BCAS3: variants seen among roughly 807,000 people sequenced by gnomAD.
BCAS3 encodes BCAS4/BCAS3 fusion.
A neutral mutation model predicts 116.1 loss-of-function variants in BCAS3; 53 were observed. That is an observed-to-expected ratio of 0.46 (90% CI 0.37 to 0.57). BCAS3 has a LOEUF of 0.57. BCAS3 is among the 20% of genes least tolerant of loss of function. BCAS3 has a pLI of 0.00. For synonymous variants in BCAS3, 391 were observed against 408.2 expected (o/e 0.96, Z 0.51); for missense variants, 917 against 1,165.4 (o/e 0.79, Z 3.10).
intron 6 of BCAS3, among the ~76,000 whole-genome samples, chr17:60,761,481 T>C (rs914084189): frequency 5.3e-5 from 8 of 152,102 alleles, no homozygotes; most frequent in African/African-American, 1.9e-4. Flanking sequence ...CTTGCAATAG[T>C]TTGCTCAGAA....
intron 22 of BCAS3, among the ~76,000 whole-genome samples, chr17:61,142,084 CTT>C (rs2076955052): frequency 1.3e-5 from 2 of 151,206 alleles, no homozygotes; most frequent in Non-Finnish European, 1.5e-5. Flanking sequence ...GTAAGATTCT[CTT>C]GTTTTATTTT....
chr17:61,209,326 G>T (rs2081325955), intron 22 of BCAS3, among the ~76,000 whole-genome samples: 1 of 152,084 alleles, frequency 6.6e-6, no homozygotes, highest in Non-Finnish European at 1.5e-5. Flanking sequence ...GCTGAAAATC[G>T]TGATTGTCTT....
At chr17:61,322,010 C>T (rs113807401) in intron 22 of BCAS3, among the ~76,000 whole-genome samples, 33,399 of 151,858 alleles carry the variant, frequency 0.22, 4,494 homozygotes, top group African/African-American at 0.37. Flanking sequence ...CTCAGCTCAC[C>T]GCAACTTCCG....
intron 5 of BCAS3, among the ~76,000 whole-genome samples, chr17:60,733,959 C>T (rs1029973462): frequency 3.3e-5 from 5 of 152,114 alleles, no homozygotes; most frequent in Non-Finnish European, 7.4e-5. Context: ...GTTTATGGCT[C>T]GGCTTATGCT....
At position 61,211,015 on chromosome 17, in the gene BCAS3, TAAGCTAGGGTCCCATAGTCTTCCCC is replaced by T. The variant is rs949010390; in HGVS notation, c.2425+126466_2425+126490del. ...AGAGATGATGAGCCAAAGGCTTCCC[TAAGCTAGGGTCCCATAGTCTTCCCC>T]AAGCTAGGGTCCCAGCGCTGGGTGG... On this transcript the variant is annotated intron_variant, in intron 22 of 23. Coordinates refer to ENST00000407086, the MANE Select transcript of BCAS3 (RefSeq NM_017679.5). The surrounding 1 kb of genome is among the most constrained non-coding windows in gnomAD (Gnocchi z 4.4). Among the ~76,000 whole-genome samples, 19 of 152,126 alleles carry T rather than the reference TAAGCTAGGGTCCCATAGTCTTCCCC, an allele frequency of 1.2e-4. No individual in the cohort carries two copies. The South Asian group carries it at 1.7e-3, about 13-fold the overall frequency.
intron 7 of BCAS3, among the ~76,000 whole-genome samples, chr17:60,820,795 A>ACTTT (rs2049895501): frequency 6.6e-6 from 1 of 152,178 alleles, no homozygotes; most frequent in Non-Finnish European, 1.5e-5. Context: ...CTCTTTAAGC[A>ACTTT]CTTTCAAACC....
At chr17:60,992,639 A>G (rs1217452289) in intron 15 of BCAS3, among the ~76,000 whole-genome samples, 2 of 152,228 alleles carry the variant, frequency 1.3e-5, no homozygotes, top group Admixed American at 6.5e-5. Flanking sequence ...CAGTTTACCC[A>G]TGTAACAAAC....
At chr17:61,127,588 A>G (rs1447567019) in intron 22 of BCAS3, among the ~76,000 whole-genome samples, 1 of 151,220 alleles carries the variant, frequency 6.6e-6, no homozygotes, top group Non-Finnish European at 1.5e-5. Context: ...TAGACAGTAC[A>G]AGGTTTAGAA....
chr17:61,254,786 A>AAAAAAAAAAAAAC (rs1166994302), intron 22 of BCAS3, among the ~76,000 whole-genome samples: 2 of 150,796 alleles, frequency 1.3e-5, no homozygotes, highest in Non-Finnish European at 3.0e-5. Context: ...AGAAAAAAAA[A>AAAAAAAAAAAAAC]AAAGGATTAG....
chr17:60,976,803 G>C, intron 14 of BCAS3, among the ~76,000 whole-genome samples: 1 of 152,192 alleles, frequency 6.6e-6, no homozygotes, highest in East Asian at 1.9e-4. Context: ...ATTTTTCTTA[G>C]TACACAACAC....
rs980996384 is a variant in BCAS3 at position 61,281,528 on chromosome 17, C to T, written c.2426-86799C>T. On this transcript the variant is annotated intron_variant, in intron 22 of 23. Transcript: ENST00000407086. The surrounding 1 kb of genome is among the most constrained non-coding windows in gnomAD (Gnocchi z 4.2). The stretch of plus-strand genomic sequence containing the variant: ...ATCAGATTTTTTGGTCTCTGCAAAT[C>T]AGATTCAATGTGTCATTTTATTGTA... Among the ~76,000 whole-genome samples, 2 of 152,166 alleles carry T rather than the reference C, an allele frequency of 1.3e-5. No homozygotes were observed. The highest frequency in any genetic ancestry group is 2.9e-5 in the Non-Finnish European group (2 of 68,018).
At chr17:61,306,111 A>G (rs2053836830) in intron 22 of BCAS3, among the ~76,000 whole-genome samples, 1 of 152,240 alleles carries the variant, frequency 6.6e-6, no homozygotes, top group African/African-American at 2.4e-5. Flanking sequence ...CCAGTTTTCC[A>G]ACAGTTGAGA....
In BCAS3 at chr17:61,026,852, C is replaced by G; in HGVS notation, c.1638-7814C>G. The G allele has an allele frequency of 3.1e-6, 5 of 1,591,136 alleles. No individual in the cohort carries two copies. The highest frequency in any genetic ancestry group is 4.3e-6 in the Non-Finnish European group (5 of 1,167,212). ...CTCTAATTTTTTGTGCATTTTTCCCCCTTTTCCATGAAGGCCTTATCTCTT... is the reference window on the plus strand; with the variant it reads ...CTCTAATTTTTTGTGCATTTTTCCCGCTTTTCCATGAAGGCCTTATCTCTT... On this transcript the variant is annotated intron_variant, in intron 16 of 23. Coordinates refer to ENST00000407086, the MANE Select transcript of BCAS3 (RefSeq NM_017679.5). This position sits in a 1 kb window ranked among gnomAD's most constrained non-coding sequence, Gnocchi z 5.0.
In BCAS3 at chr17:61,227,775, T is replaced by G. The variant is rs967672990; in HGVS notation, c.2426-140552T>G. On this transcript the variant is annotated intron_variant, in intron 22 of 23. Transcript: ENST00000407086. This position sits in a 1 kb window ranked among gnomAD's most constrained non-coding sequence, Gnocchi z 6.1. The stretch of plus-strand genomic sequence containing the variant: ...ACATAACTTTTTGTGTTATTTATAT[T>G]TTCTGTAATGATTTTCTGTTGCTCT... Among the ~76,000 whole-genome samples, 1 of 152,244 alleles carries G rather than the reference T, an allele frequency of 6.6e-6. No individual in the cohort carries two copies. Among genetic ancestry groups the G allele is most frequent in the African/African-American group, 2.4e-5 (1 of 41,480 alleles).
chr17:60,856,019 T>G (rs1448320467), intron 7 of BCAS3, among the ~76,000 whole-genome samples: 1 of 152,148 alleles, frequency 6.6e-6, no homozygotes, highest in Non-Finnish European at 1.5e-5. Flanking sequence ...CATGCATCTA[T>G]ATAATCTCTT....
rs551142104 is a variant in BCAS3, at chr17:60,966,809, T to C, written c.1221+19457T>C. On this transcript the variant is annotated intron_variant, in intron 14 of 23. Transcript: ENST00000407086. ...CTGGGATTACAGACATGTGCCACCA[T>C]GTCCAGCTAATTTTTTTGTGTTTTT... Among the ~76,000 whole-genome samples the C allele has an allele frequency of 2.6e-5, 4 of 152,040 alleles. No homozygotes were observed. In the East Asian group the frequency reaches 7.7e-4, roughly 29 times the overall value.
chr17:60,820,088 T>C (rs1378121285), intron 7 of BCAS3, among the ~76,000 whole-genome samples: 5 of 150,912 alleles, frequency 3.3e-5, no homozygotes, highest in Non-Finnish European at 7.4e-5. Context: ...TTTTTTTTTC[T>C]GAGGCAGAGT....
chr17:60,991,819 T>C (rs1236765623), intron 15 of BCAS3, among the ~76,000 whole-genome samples: 4 of 139,132 alleles, frequency 2.9e-5, no homozygotes, highest in Non-Finnish European at 5.9e-5. Flanking sequence ...CTCTGCTTTG[T>C]AGACTGTTAC....
chr17:61,082,625 T>C lies in BCAS3; in HGVS notation c.2328-1842T>C, dbSNP rs2072719371. Among the ~76,000 whole-genome samples the C allele has an allele frequency of 6.6e-6, 1 of 151,576 alleles. No individual in the cohort carries two copies. Among genetic ancestry groups the C allele is most frequent in the African/African-American group, 2.5e-5 (1 of 40,810 alleles). ...TAATTTTGAATGGACTGACCATATC[T>C]AAGAGGCTAGCTTTTTGTTGCTCTC... On this transcript the variant is annotated intron_variant, in intron 21 of 23. Transcript: ENST00000407086. This position sits in a 1 kb window ranked among gnomAD's most constrained non-coding sequence, Gnocchi z 5.1.
Sources: gnomAD v4.1 joint callset for allele counts (sites outside exome capture counted in the v4.1 genomes callset) on GRCh38, gnomAD v4.1.1 for gene constraint, Gnocchi (gnomAD v3.1) non-coding constraint, MANE v1.5 for transcripts, NCBI Gene and HGNC (gene_info 2026-07-23, HGNC 2026-07-21) for gene names.